Variants in KYNU observed in about 807,000 individuals in gnomAD.
The protein encoded by KYNU is kynureninase.
Under a neutral mutation model 59.2 loss-of-function variants are expected in KYNU, and 54 were observed. The observed-to-expected ratio is 0.91, with a 90% CI of 0.73 to 1.14. KYNU has a LOEUF of 1.14. Ranked by LOEUF, KYNU falls within the 50% of genes most tolerant of loss-of-function variation. KYNU has a pLI of 0.00. For synonymous variants in KYNU, 177 were observed against 192.0 expected, an observed-to-expected ratio of 0.92 and a Z score of 0.65; for missense variants, 567 against 554.4, an observed-to-expected ratio of 1.02 and a Z score of -0.23.
intron 4 of KYNU, among the ~76,000 whole-genome samples, chr2:142,939,662 C>T (rs972774351): frequency 1.4e-5 from 2 of 147,562 alleles, no homozygotes; most frequent in Non-Finnish European, 1.5e-5. Context: ...GAGTACAGAC[C>T]GAAAATTCTC....
At chr2:142,967,449 G>A (rs532357320) in intron 8 of KYNU, 3 of 152,116 alleles carry the variant, frequency 2.0e-5, no homozygotes, top group African/African-American at 7.2e-5. Context: ...ACATCTCTTA[G>A]ACTCAATCAT....
chr2:142,899,890 C>T (rs947932040), intron 2 of KYNU, among the ~76,000 whole-genome samples: 1 of 152,136 alleles, frequency 6.6e-6, no homozygotes, highest in African/African-American at 2.4e-5. Flanking sequence ...AATGATTCGG[C>T]CATCTGATGG....
chr2:142,944,171 T>C (rs952088748), intron 4 of KYNU, among the ~76,000 whole-genome samples: 2 of 152,236 alleles, frequency 1.3e-5, no homozygotes, highest in African/African-American at 4.8e-5. Flanking sequence ...AGTTCATCTC[T>C]TTGCACATCA....
At chr2:142,941,436 A>G (rs1219343419) in intron 4 of KYNU, among the ~76,000 whole-genome samples, 2 of 152,236 alleles carry the variant, frequency 1.3e-5, no homozygotes, top group Non-Finnish European at 2.9e-5. Flanking sequence ...TTTGGTCCCA[A>G]AATATAATGT....
intron 2 of KYNU, among the ~76,000 whole-genome samples, chr2:142,903,205 G>A (rs932255990): frequency 2.6e-5 from 4 of 152,052 alleles, no homozygotes; most frequent in African/African-American, 7.2e-5. Context: ...GTTGGGCCTC[G>A]GGTCTAAGGG....
intron 5 of KYNU, among the ~76,000 whole-genome samples, 177 bp from the exon 6 acceptor site, chr2:142,956,026 C>G (rs563197946): frequency 6.6e-6 from 1 of 152,174 alleles, no homozygotes; most frequent in African/African-American, 2.4e-5. Flanking sequence ...TCTTCTTTCT[C>G]TTTGAGATTC....
chr2:142,992,991 G>A lies in KYNU; in HGVS notation c.902+6970G>A, dbSNP rs76227728. ...GGTGAATTCTCAGACTGCTTTTGCC[G>A]TAGGGGCAGCGGAGGTATAGCAGAC... On this transcript the variant is annotated intron_variant, in intron 10 of 13. Transcript: ENST00000264170. Among the ~76,000 whole-genome samples the A allele has an allele frequency of 6.6e-3, 1,003 of 152,092 alleles. 15 individuals carry two copies. Among genetic ancestry groups the A allele is most frequent in the African/African-American group, 0.022 (932 of 41,544 alleles).
chr2:143,042,079 G>A lies in KYNU; in HGVS notation c.1305G>A (p.Val435=), dbSNP rs1221680376. ...AGCGGAATCCAAATGGCATTCGAGT[G>A]GCTCCAGTTCCTCTCTATAATTCTT... The part of the protein sequence containing the change: ...CDKRNPNGIR[V]APVPLYNSFH... The change falls in exon 14 of 14, where the codon GTG becomes GTA. Residue 435 remains valine, a synonymous_variant. Coordinates refer to ENST00000264170, the MANE Select transcript of KYNU (RefSeq NM_003937.3). 1 of 1,611,558 alleles carries A rather than the reference G, an allele frequency of 6.2e-7. No homozygotes were observed. The highest frequency in any genetic ancestry group is 1.7e-5 in the Admixed American group (1 of 59,790).
chr2:142,922,995 A>T (rs164731), intron 3 of KYNU, among the ~76,000 whole-genome samples: 85,090 of 151,968 alleles, frequency 0.56, 24,854 homozygotes, highest in African/African-American at 0.71. Flanking sequence ...TCTTGCTGTA[A>T]CCTCATGTGG....
chr2:143,036,280 A>G (rs1449025181), intron 12 of KYNU, among the ~76,000 whole-genome samples: 13 of 152,116 alleles, frequency 8.5e-5, no homozygotes, highest in Non-Finnish European at 1.2e-4. Context: ...CCATGAGAGT[A>G]CACCGAACAA....
At chr2:142,968,891 G>A (rs1684627329) in intron 8 of KYNU, among the ~76,000 whole-genome samples, 3 of 151,982 alleles carry the variant, frequency 2.0e-5, no homozygotes, top group Non-Finnish European at 1.5e-5. Flanking sequence ...CCAGCCTGCT[G>A]GACAGAGTGA....
At chr2:142,927,404 C>A (rs1683078133) in intron 3 of KYNU, among the ~76,000 whole-genome samples, 1 of 151,782 alleles carries the variant, frequency 6.6e-6, no homozygotes, top group Non-Finnish European at 1.5e-5. Flanking sequence ...TAGAATATAG[C>A]AAAATATTAA....
chr2:142,963,441 G>A (rs968403449), intron 8 of KYNU, among the ~76,000 whole-genome samples: 1 of 152,124 alleles, frequency 6.6e-6, no homozygotes, highest in African/African-American at 2.4e-5. Context: ...CAGCAGACTT[G>A]GTGTCTGCTT....
At chr2:142,896,379 C>G (rs538804862) in intron 2 of KYNU, among the ~76,000 whole-genome samples, 2 of 152,072 alleles carry the variant, frequency 1.3e-5, no homozygotes, top group Non-Finnish European at 2.9e-5. Flanking sequence ...TATGCATGTT[C>G]CTAATGGCTA....
chr2:142,968,542 A>G (rs1259690210), intron 8 of KYNU, among the ~76,000 whole-genome samples: 1 of 152,174 alleles, frequency 6.6e-6, no homozygotes, highest in Admixed American at 6.5e-5. Flanking sequence ...AATATCCTGC[A>G]TATGGTGATG....
chr2:142,939,850 CAG>C (rs1232113724), intron 4 of KYNU, among the ~76,000 whole-genome samples: 38 of 152,278 alleles, frequency 2.5e-4, no homozygotes, highest in Non-Finnish European at 4.6e-4. Flanking sequence ...GAGTCAGGCT[CAG>C]TGTAGGACTT....
intron 2 of KYNU, 60 bp from the exon 3 acceptor site, chr2:142,918,548 CA>C: frequency 6.9e-7 from 1 of 1,450,484 alleles, no homozygotes; most frequent in Non-Finnish European, 9.3e-7. Context: ...ACTGGCTTAA[CA>C]ATACCATACT....
chr2:143,013,664 G>A (rs1432366982), intron 10 of KYNU, among the ~76,000 whole-genome samples: 1 of 152,164 alleles, frequency 6.6e-6, no homozygotes, highest in East Asian at 1.9e-4. Context: ...ATTTGGTCTT[G>A]TAACTTCTAG....
intron 10 of KYNU, among the ~76,000 whole-genome samples, chr2:143,026,438 G>T (rs1171983189): frequency 6.6e-6 from 1 of 152,202 alleles, no homozygotes; most frequent in Non-Finnish European, 1.5e-5. Flanking sequence ...AGCCCCGCTC[G>T]CTGCTCTCAG....
Sources: allele counts gnomAD v4.1 joint callset (sites outside exome capture counted in the v4.1 genomes callset), GRCh38; gene constraint gnomAD v4.1.1; transcripts MANE v1.5; gene names NCBI Gene and HGNC (gene_info 2026-07-23, HGNC 2026-07-21).